UTP23: variants seen among roughly 807,000 people sequenced by gnomAD.
UTP23 encodes the protein UTP23 small subunit processome component.
UTP23 carries 10 observed loss-of-function variants against 19.8 expected under a neutral mutation model. The observed-to-expected ratio is 0.50, with a 90% CI of 0.31 to 0.86. The LOEUF is 0.86. UTP23 is among the 40% of genes least tolerant of loss of function. The pLI is 0.05. For synonymous variants in UTP23, 108 were observed against 105.4 expected, an observed-to-expected ratio of 1.02 and a Z score of -0.15; for missense variants, 282 against 293.1, an observed-to-expected ratio of 0.96 and a Z score of 0.28.
chr8:116,774,027 A>G lies in UTP23; in HGVS notation c.*2185A>G, dbSNP rs763943187. 7 of 985,274 alleles carry G rather than the reference A, an allele frequency of 7.1e-6. No homozygotes were observed. Among genetic ancestry groups the G allele is most frequent in the Non-Finnish European group, 7.2e-6 (6 of 829,936 alleles). 61.0% of individuals were successfully genotyped at this position (985,274 alleles called of 1,614,324 possible). On this transcript the variant is annotated 3_prime_UTR_variant, in exon 3 of 3. Coordinates refer to ENST00000309822, the MANE Select transcript of UTP23 (RefSeq NM_032334.3). ...ACTTGGGGAAGGGAACCATGGGAGT[A>G]TGCACATGGGATCATAATCCATTCT...
At position 116,771,445 on chromosome 8, in the gene UTP23, C is replaced by A. The variant is rs369640489; in HGVS notation, c.364-11C>A. 10 of 1,437,802 alleles carry A rather than the reference C, an allele frequency of 7.0e-6. No individual in the cohort carries two copies. Among genetic ancestry groups the A allele is most frequent in the African/African-American group, 2.9e-5 (2 of 68,850 alleles). The allele number at this position is 1,437,802 out of a possible 1,614,324, so 89.1% of individuals were successfully genotyped here. A position where few individuals can be genotyped will look rare whatever the true frequency, so the allele number is the denominator to read the frequency against. On this transcript the variant is annotated splice_polypyrimidine_tract_variant and intron_variant, in intron 2 of 2. Coordinates refer to ENST00000309822, the MANE Select transcript of UTP23 (RefSeq NM_032334.3). ...CATTTGAACTAAATAATTCTGTTTT[C>A]TTTTAAATAGGATCAGAATTTGTCT...
intron 1 of UTP23, among the ~76,000 whole-genome samples, chr8:116,768,751 G>C: frequency 6.6e-6 from 1 of 152,230 alleles, no homozygotes; most frequent in Non-Finnish European, 1.5e-5. Context: ...TGCAGCCTCC[G>C]CCTCCCGGGT....
Position 116,774,026 on chromosome 8 carries a change from T to C in UTP23, c.*2184T>C. On this transcript the variant is annotated 3_prime_UTR_variant, in exon 3 of 3. Coordinates refer to ENST00000309822, the MANE Select transcript of UTP23 (RefSeq NM_032334.3). ...AACTTGGGGAAGGGAACCATGGGAG[T>C]ATGCACATGGGATCATAATCCATTC... The C allele has an allele frequency of 1.0e-6, 1 of 985,144 alleles. No homozygotes were observed. Among genetic ancestry groups the C allele is most frequent in the Non-Finnish European group, 1.2e-6 (1 of 829,900 alleles). 61.0% of individuals were successfully genotyped at this position (985,144 alleles called of 1,614,324 possible). A position where few individuals can be genotyped will look rare whatever the true frequency, so the allele number is the denominator to read the frequency against.
At chr8:116,770,037 A>C in intron 1 of UTP23, 155 bp from the exon 2 acceptor site, 1 of 653,534 alleles carries the variant, frequency 1.5e-6, no homozygotes, top group Non-Finnish European at 2.4e-6. Flanking sequence ...CCTACTTGGT[A>C]AATGCATTTT....
At chr8:116,770,399 C>A (rs1182519390) in intron 2 of UTP23, 33 bp downstream of exon 2, 1 of 1,567,952 alleles carries the variant, frequency 6.4e-7, no homozygotes, top group South Asian at 1.2e-5. Context: ...AGGCAATTTT[C>A]ACCATTTCTA....
chr8:116,770,509 A>C, intron 2 of UTP23, 143 bp downstream of exon 2: 2 of 736,094 alleles, frequency 2.7e-6, no homozygotes, highest in Non-Finnish European at 4.0e-6. Flanking sequence ...CAGTAAAAGC[A>C]ATTGTCATTT....
At chr8:116,767,815 C>CA (rs1165621785) in intron 1 of UTP23, among the ~76,000 whole-genome samples, 5 of 151,768 alleles carry the variant, frequency 3.3e-5, no homozygotes, top group Admixed American at 1.3e-4. Context: ...TTTTAAAAAG[C>CA]AAAAAAAGAA....
At position 116,773,415 on chromosome 8, in the gene UTP23, A is replaced by G; in HGVS notation, c.*1573A>G. On this transcript the variant is annotated 3_prime_UTR_variant, in exon 3 of 3. Transcript: ENST00000309822. The stretch of plus-strand genomic sequence containing the variant: ...AATCTATTTCTACTTAGTCAGTGCT[A>G]TCTGATTACCTGTTAATAGCATCTG... 2 of 978,212 alleles carry G rather than the reference A, an allele frequency of 2.0e-6. No individual in the cohort carries two copies. The highest frequency in any genetic ancestry group is 2.4e-6 in the Non-Finnish European group (2 of 823,334). 60.6% of individuals were successfully genotyped at this position (978,212 alleles called of 1,614,324 possible).
In UTP23 at chr8:116,774,187, CTATCT is replaced by C. The variant is rs1364990834; in HGVS notation, c.*2347_*2351del. On this transcript the variant is annotated 3_prime_UTR_variant, in exon 3 of 3. Transcript: ENST00000309822. ...TGAAAAGGGGTGTTTCTGAAGACCA[CTATCT>C]TTTACGAACACTTAAAAATAAGTGT... 33 of 985,242 alleles carry C rather than the reference CTATCT, an allele frequency of 3.3e-5. No homozygotes were observed. The highest frequency in any genetic ancestry group is 3.7e-5 in the Non-Finnish European group (31 of 829,928). 61.0% of individuals were successfully genotyped at this position (985,242 alleles called of 1,614,324 possible).
At chr8:116,771,198 T>C (rs1815645976) in intron 2 of UTP23, among the ~76,000 whole-genome samples, 1 of 152,312 alleles carries the variant, frequency 6.6e-6, no homozygotes, top group South Asian at 2.1e-4. Context: ...ACATTTACCT[T>C]TGCATTAGTT....
rs1357120795 is a variant in UTP23, at chr8:116,774,451, A to T, written c.*2609A>T. ...AGGTGGATAGAAATGAATAGTTTGG[A>T]GTCTTTAAAATGTTTTAAAAAATGT... On this transcript the variant is annotated 3_prime_UTR_variant, in exon 3 of 3. Coordinates refer to ENST00000309822, the MANE Select transcript of UTP23 (RefSeq NM_032334.3). The T allele has an allele frequency of 1.0e-6, 1 of 978,976 alleles. No individual in the cohort carries two copies. Among genetic ancestry groups the T allele is most frequent in the African/African-American group, 1.8e-5 (1 of 57,068 alleles). 60.6% of individuals were successfully genotyped at this position (978,976 alleles called of 1,614,324 possible).
At position 116,773,226 on chromosome 8, in the gene UTP23, A is replaced by G. The variant is rs1008450778; in HGVS notation, c.*1384A>G. The stretch of plus-strand genomic sequence containing the variant: ...CATTTTTAATAAGGAAGGTAAAAAT[A>G]CTGGAAAAAAGTGAATAGTGTAGGT... On this transcript the variant is annotated 3_prime_UTR_variant, in exon 3 of 3. Transcript: ENST00000309822. 4 of 985,310 alleles carry G rather than the reference A, an allele frequency of 4.1e-6. No individual in the cohort carries two copies. In the African/African-American group the frequency reaches 7.0e-5, roughly 17 times the overall value. 61.0% of individuals were successfully genotyped at this position (985,310 alleles called of 1,614,324 possible).
In UTP23 at chr8:116,774,681, A is replaced by G; in HGVS notation, c.*2839A>G. The G allele has an allele frequency of 1.2e-6, 1 of 830,958 alleles. No individual in the cohort carries two copies. Among genetic ancestry groups the G allele is most frequent in the Non-Finnish European group, 1.4e-6 (1 of 690,564 alleles). 51.5% of individuals were successfully genotyped at this position (830,958 alleles called of 1,614,324 possible). ...CGGTAAAATTAAAAGATATTTTAAC[A>G]AAAGTCTCATCTCCTTGTACTTCAG... On this transcript the variant is annotated 3_prime_UTR_variant, in exon 3 of 3. Coordinates refer to ENST00000309822, the MANE Select transcript of UTP23 (RefSeq NM_032334.3).
In UTP23 at chr8:116,766,735, GCT is replaced by G. The variant is rs1355069623; in HGVS notation, c.133_134del (p.Leu45AlafsTer64). 8 of 1,605,324 alleles carry G rather than the reference GCT, an allele frequency of 5.0e-6. No individual in the cohort carries two copies. The highest frequency in any genetic ancestry group is 6.8e-6 in the Non-Finnish European group (8 of 1,175,886). On this transcript the variant is annotated frameshift_variant, in exon 1 of 3. Transcript: ENST00000309822. LOFTEE classifies it high-confidence loss of function. ...CQAALRGRIQ[L>X]REQLPRYLMG... ...AGGCGGCGCTGCGGGGCCGCATCCA[GCT>G]GCGGGAGCAGCTGCCCCGCTACCTC...
intron 1 of UTP23, among the ~76,000 whole-genome samples, chr8:116,768,496 A>G (rs911819773): frequency 2.6e-5 from 4 of 152,200 alleles, no homozygotes; most frequent in South Asian, 2.1e-4. Context: ...AGTTATTAAC[A>G]TGGCCAATCT....
Position 116,772,265 on chromosome 8 carries a change from C to T in UTP23, c.*423C>T. 1 of 985,938 alleles carries T rather than the reference C, an allele frequency of 1.0e-6. No individual in the cohort carries two copies. The highest frequency in any genetic ancestry group is 1.2e-6 in the Non-Finnish European group (1 of 830,334). 61.1% of individuals were successfully genotyped at this position (985,938 alleles called of 1,614,324 possible). A position where few individuals can be genotyped will look rare whatever the true frequency, so the allele number is the denominator to read the frequency against. On this transcript the variant is annotated 3_prime_UTR_variant, in exon 3 of 3. Transcript: ENST00000309822. Reference sequence around the variant, plus strand: ...AAATGGTTTCGGGAGGTTGTTTCTCCAGGTAAAATTGTCGCCTCTCTGGTC... The same window carrying T: ...AAATGGTTTCGGGAGGTTGTTTCTCTAGGTAAAATTGTCGCCTCTCTGGTC...
chr8:116,768,897 C>T (rs745476630), intron 1 of UTP23, among the ~76,000 whole-genome samples: 3 of 152,256 alleles, frequency 2.0e-5, no homozygotes, highest in Admixed American at 2.0e-4. Context: ...AACTCCTGAC[C>T]GCAGGTGATC....
At chr8:116,770,518 T>C in intron 2 of UTP23, 152 bp downstream of exon 2, 1 of 671,788 alleles carries the variant, frequency 1.5e-6, no homozygotes, top group Non-Finnish European at 2.2e-6. Context: ...CAATTGTCAT[T>C]TGAGAATTTG....
intron 1 of UTP23, among the ~76,000 whole-genome samples, chr8:116,768,660 GT>G (rs1393433427): frequency 6.6e-6 from 1 of 152,090 alleles, no homozygotes; most frequent in Non-Finnish European, 1.5e-5. Flanking sequence ...TGTCACTTAA[GT>G]TTTTTAAAAA....
Sources: gnomAD v4.1 joint callset for allele counts (sites outside exome capture counted in the v4.1 genomes callset) on GRCh38, gnomAD v4.1.1 for gene constraint, MANE v1.5 for transcripts, NCBI Gene and HGNC (gene_info 2026-07-23, HGNC 2026-07-21) for gene names.